SDK1: variants seen among roughly 807,000 people sequenced by gnomAD.
SDK1 encodes the protein protein sidekick-1.
Under a neutral mutation model 245.5 loss-of-function variants are expected in SDK1, and 157 were observed. The observed-to-expected ratio is 0.64, with a 90% CI of 0.56 to 0.73. The LOEUF (loss-of-function observed/expected upper bound fraction) is 0.73, where lower values mean the gene tolerates loss of function less well. Among genes scored for constraint, SDK1 ranks in the 30% least tolerant of loss-of-function variants. SDK1 has a pLI of 0.00. For synonymous variants in SDK1, 1,647 were observed against 1,278.5 expected, an observed-to-expected ratio of 1.29 and a Z score of -6.15; for missense variants, 3,583 against 3,002.3, an observed-to-expected ratio of 1.19 and a Z score of -4.52.
intron 4 of SDK1, among the ~76,000 whole-genome samples, chr7:3,661,495 A>G (rs1783354345): frequency 6.6e-6 from 1 of 152,140 alleles, no homozygotes. Context: ...TATGAATTTA[A>G]ATAAGTTGTA....
At chr7:3,497,489 G>C (rs1377242497) in intron 1 of SDK1, among the ~76,000 whole-genome samples, 1 of 152,142 alleles carries the variant, frequency 6.6e-6, no homozygotes, top group Non-Finnish European at 1.5e-5. Context: ...TGCTATTCGA[G>C]AGTGAGTTTG....
intron 5 of SDK1, among the ~76,000 whole-genome samples, chr7:3,879,594 C>G (rs1781157405): frequency 6.6e-6 from 1 of 152,224 alleles, no homozygotes; most frequent in Non-Finnish European, 1.5e-5. Flanking sequence ...GCTCCCGGTA[C>G]TCAGCCTCAC....
intron 5 of SDK1, among the ~76,000 whole-genome samples, chr7:3,890,858 C>T (rs1322692066): frequency 6.6e-6 from 1 of 152,148 alleles, no homozygotes; most frequent in Non-Finnish European, 1.5e-5. Context: ...AGGAGAATCG[C>T]TTGAACCCAG....
At chr7:3,307,464 C>T (rs1376590299) in intron 1 of SDK1, among the ~76,000 whole-genome samples, 1 of 152,166 alleles carries the variant, frequency 6.6e-6, no homozygotes, top group Admixed American at 6.5e-5. Context: ...GGTTACTACT[C>T]TTAGAGCTTC....
At chr7:3,423,234 A>G (rs928647280) in intron 1 of SDK1, among the ~76,000 whole-genome samples, 2 of 152,344 alleles carry the variant, frequency 1.3e-5, no homozygotes, top group South Asian at 4.1e-4. Context: ...TGTGGCCAAT[A>G]TAGTTGACTT....
chr7:4,162,619 T>C (rs997668013), intron 32 of SDK1, among the ~76,000 whole-genome samples: 2 of 151,962 alleles, frequency 1.3e-5, no homozygotes, highest in Non-Finnish European at 2.9e-5. Context: ...AGGCTGATCT[T>C]GAACTCCTGA....
intron 42 of SDK1, 136 bp downstream of exon 42, chr7:4,237,920 T>C: frequency 9.3e-7 from 1 of 1,075,320 alleles, no homozygotes. Flanking sequence ...AGAAATGCAA[T>C]AGGTTTTCTT....
intron 5 of SDK1, among the ~76,000 whole-genome samples, chr7:3,834,183 A>G (rs1011355876): frequency 9.9e-5 from 15 of 152,192 alleles, no homozygotes; most frequent in African/African-American, 2.9e-4. Flanking sequence ...CCCTAAGTGT[A>G]TGATTCTCCC....
At chr7:3,618,094 G>A (rs904416092) in intron 1 of SDK1, among the ~76,000 whole-genome samples, 1 of 152,130 alleles carries the variant, frequency 6.6e-6, no homozygotes, top group South Asian at 2.1e-4. Flanking sequence ...GTCCTGATGA[G>A]GATCAGGTAG....
At chr7:4,126,038 G>A (rs971440429) in intron 25 of SDK1, among the ~76,000 whole-genome samples, 25 of 152,146 alleles carry the variant, frequency 1.6e-4, no homozygotes, top group African/African-American at 5.1e-4. Flanking sequence ...CAGAACCTCC[G>A]TTGCTTCATC....
intron 1 of SDK1, among the ~76,000 whole-genome samples, chr7:3,440,965 C>T (rs968233512): frequency 6.6e-6 from 1 of 152,176 alleles, no homozygotes; most frequent in South Asian, 2.1e-4. Context: ...AAATGAGTTA[C>T]ACCAAGTGAG....
At chr7:3,766,769 A>T (rs565648765) in intron 4 of SDK1, among the ~76,000 whole-genome samples, 1 of 152,242 alleles carries the variant, frequency 6.6e-6, no homozygotes, top group East Asian at 1.9e-4. Context: ...GTTCCTTTGA[A>T]TTTTTTGGAA....
chr7:3,448,022 C>T (rs904452184), intron 1 of SDK1, among the ~76,000 whole-genome samples: 1 of 152,076 alleles, frequency 6.6e-6, no homozygotes, highest in Admixed American at 6.6e-5. Flanking sequence ...TTTATTCTTA[C>T]ACAACAATGC....
rs113272165 is a variant in SDK1, at chr7:3,829,947, A to G, written c.847+8364A>G. Among the ~76,000 whole-genome samples the G allele has an allele frequency of 7.2e-5, 11 of 152,326 alleles. 1 individual carries two copies. The highest frequency in any genetic ancestry group is 4.1e-4 in the South Asian group (2 of 4,826). On this transcript the variant is annotated intron_variant, in intron 5 of 44. Coordinates refer to ENST00000404826, the MANE Select transcript of SDK1 (RefSeq NM_152744.4). ...GTGCAGTGGGAGATGCACTGGAGTCAGTGCTTACTAATGGAGCATCAGAAC... is the reference window on the plus strand; with the variant it reads ...GTGCAGTGGGAGATGCACTGGAGTCGGTGCTTACTAATGGAGCATCAGAAC...
chr7:4,257,669 C>T (rs928980874), intron 44 of SDK1, among the ~76,000 whole-genome samples: 2 of 152,130 alleles, frequency 1.3e-5, no homozygotes, highest in African/African-American at 4.8e-5. Context: ...AAGGAAAAGC[C>T]TCTTGGAGCC....
intron 35 of SDK1, among the ~76,000 whole-genome samples, chr7:4,190,374 A>G (rs1426915239): frequency 6.6e-6 from 1 of 152,136 alleles, no homozygotes; most frequent in Non-Finnish European, 1.5e-5. Context: ...CCGAAAGCCT[A>G]CTGTGCTGGT....
chr7:4,261,429 C>T (rs909746717), intron 44 of SDK1, among the ~76,000 whole-genome samples: 6 of 152,068 alleles, frequency 3.9e-5, no homozygotes, highest in African/African-American at 1.4e-4. Context: ...GCAGCTCACA[C>T]ACCCTGGGGA....
At chr7:3,461,428 G>C (rs1038773782) in intron 1 of SDK1, among the ~76,000 whole-genome samples, 3 of 152,138 alleles carry the variant, frequency 2.0e-5, no homozygotes, top group Admixed American at 1.3e-4. Context: ...CCTGAGCATC[G>C]TGTGATTTTA....
intron 4 of SDK1, among the ~76,000 whole-genome samples, chr7:3,797,308 T>C (rs1778984135): frequency 6.6e-6 from 1 of 152,154 alleles, no homozygotes; most frequent in Non-Finnish European, 1.5e-5. Flanking sequence ...AAAAGGTTCA[T>C]CTTTTCCTGT....
Sources: gnomAD v4.1 joint callset for allele counts (sites outside exome capture counted in the v4.1 genomes callset) on GRCh38, gnomAD v4.1.1 for gene constraint, MANE v1.5 for transcripts, NCBI Gene and HGNC (gene_info 2026-07-23, HGNC 2026-07-21) for gene names.